Variants in HDAC4 observed in about 807,000 individuals in gnomAD.
HDAC4 encodes the protein histone deacetylase A.
A neutral mutation model predicts 135.1 loss-of-function variants in HDAC4; 16 were observed. That is an observed-to-expected ratio of 0.12 (90% CI 0.08 to 0.18). The LOEUF (loss-of-function observed/expected upper bound fraction) is 0.18. HDAC4 is among the 10% of genes least tolerant of loss of function. The pLI, the probability that HDAC4 is intolerant of heterozygous loss-of-function variation, is 1.00. For synonymous variants in HDAC4, 685 were observed against 653.4 expected, an observed-to-expected ratio of 1.05 and a Z score of -0.74; for missense variants, 1,143 against 1,511.8, an observed-to-expected ratio of 0.76 and a Z score of 4.05.
At chr2:239,315,532 G>T (rs559502519) in intron 2 of HDAC4, among the ~76,000 whole-genome samples, 1 of 152,116 alleles carries the variant, frequency 6.6e-6, no homozygotes. Flanking sequence ...AAGCCCCTAC[G>T]CTTCAGAGAG....
At chr2:239,393,919 ATAAC>A (rs568711531) in intron 1 of HDAC4, among the ~76,000 whole-genome samples, 20 of 152,280 alleles carry the variant, frequency 1.3e-4, no homozygotes, top group African/African-American at 4.8e-4. Flanking sequence ...TTGCAAAATA[ATAAC>A]TAATCAATTA....
chr2:239,113,593 C>A (rs1320092622), intron 13 of HDAC4, among the ~76,000 whole-genome samples: 1 of 152,216 alleles, frequency 6.6e-6, no homozygotes, highest in Non-Finnish European at 1.5e-5. Context: ...TGGAATATAA[C>A]AAGCCTCTTT....
At chr2:239,244,511 A>G (rs903872243) in intron 2 of HDAC4, among the ~76,000 whole-genome samples, 1 of 152,184 alleles carries the variant, frequency 6.6e-6, no homozygotes, top group Non-Finnish European at 1.5e-5. Context: ...CCATCATGCC[A>G]TCCCCTCAGG....
intron 1 of HDAC4, among the ~76,000 whole-genome samples, chr2:239,386,147 C>T (rs1053400228): frequency 1.3e-5 from 2 of 151,114 alleles, no homozygotes; most frequent in South Asian, 2.1e-4. Flanking sequence ...GGCTGAGAGT[C>T]GGAGCACAGG....
Position 239,139,134 on chromosome 2 carries a change from C to T in HDAC4, c.978+550G>A, listed in dbSNP as rs147356807. The stretch of plus-strand genomic sequence containing the variant: ...TCCCGTGATGCCTGGAAAAGTTCCC[C>T]GCTCTGTGGCTTTGGCCGGCCCTGC... On this transcript the variant is annotated intron_variant, in intron 9 of 26. Coordinates refer to ENST00000543185, the MANE Select transcript of HDAC4 (RefSeq NM_001378414.1). The surrounding 1 kb of genome is among the most constrained non-coding windows in gnomAD (Gnocchi z 5.3). Among the ~76,000 whole-genome samples the T allele has an allele frequency of 0.018, 2,733 of 152,360 alleles. 41 individuals are homozygous for T. The highest frequency in any genetic ancestry group is 0.06 in the South Asian group (292 of 4,832).
chr2:239,321,535 G>A (rs1288896801), intron 2 of HDAC4, among the ~76,000 whole-genome samples: 2 of 148,964 alleles, frequency 1.3e-5, no homozygotes, highest in Non-Finnish European at 3.0e-5. Flanking sequence ...TCTTAAATAA[G>A]GTGAACGTGT....
chr2:239,396,547 A>G (rs927754412), intron 1 of HDAC4, among the ~76,000 whole-genome samples: 26 of 152,276 alleles, frequency 1.7e-4, no homozygotes, highest in African/African-American at 6.0e-4. Flanking sequence ...CACTGGCACA[A>G]TGATTCAATG....
chr2:239,072,487 C>G (rs948995058), intron 22 of HDAC4, among the ~76,000 whole-genome samples: 8 of 152,206 alleles, frequency 5.3e-5, no homozygotes, highest in Non-Finnish European at 1.2e-4. Context: ...TGTCCTGCAC[C>G]GAAGCACACT....
chr2:239,270,311 G>A (rs532645340), intron 2 of HDAC4, among the ~76,000 whole-genome samples: 6 of 152,326 alleles, frequency 3.9e-5, no homozygotes, highest in East Asian at 1.9e-4. Flanking sequence ...TGAGCAAGCC[G>A]AAAGAACTCG....
Position 239,307,819 on chromosome 2 carries a change from A to G in HDAC4, c.22+44859T>C, listed in dbSNP as rs987454450. ...TCTTTCCAGAGGGTTTCCCAGCCTG[A>G]AACGCCACCCCACAGCCACTGTGGA... On this transcript the variant is annotated intron_variant, in intron 2 of 26. Coordinates refer to ENST00000543185, the MANE Select transcript of HDAC4 (RefSeq NM_001378414.1). The surrounding 1 kb of genome is among the most constrained non-coding windows in gnomAD (Gnocchi z 4.8). Among the ~76,000 whole-genome samples the G allele has an allele frequency of 6.6e-6, 1 of 152,168 alleles. No individual in the cohort carries two copies. Among genetic ancestry groups the G allele is most frequent in the African/African-American group, 2.4e-5 (1 of 41,438 alleles).
At chr2:239,106,134 GCTGGCACCTTCAC>G (rs1218491904) in intron 15 of HDAC4, among the ~76,000 whole-genome samples, 1 of 152,214 alleles carries the variant, frequency 6.6e-6, no homozygotes, top group Non-Finnish European at 1.5e-5. Flanking sequence ...CCCAGTCGTG[GCTGGCACCTTCAC>G]CCATGGTGCT....
At chr2:239,120,593 T>G (rs1438938155) in intron 12 of HDAC4, among the ~76,000 whole-genome samples, 49 of 33,188 alleles carry the variant, frequency 1.5e-3, no homozygotes, top group South Asian at 3.5e-3. Context: ...AGGAGGAAGG[T>G]GGGGGAGGGA....
At chr2:239,263,822 A>ACC (rs2049535742) in intron 2 of HDAC4, among the ~76,000 whole-genome samples, 1 of 151,820 alleles carries the variant, frequency 6.6e-6, no homozygotes, top group Admixed American at 6.6e-5. Flanking sequence ...CAGCTGTCCG[A>ACC]CTCGGCTGAG....
At chr2:239,271,612 C>T (rs2050062785) in intron 2 of HDAC4, among the ~76,000 whole-genome samples, 1 of 152,132 alleles carries the variant, frequency 6.6e-6, no homozygotes, top group East Asian at 1.9e-4. Context: ...TCCGGATTAT[C>T]GGGTAGACAC....
rs544340212 is a variant in HDAC4 at position 239,206,281 on chromosome 2, T to C, written c.95-16204A>G. 1.5e-4 allele frequency among the ~76,000 whole-genome samples: 23 copies of C among 152,124 alleles called. No homozygotes were observed. In the South Asian group the frequency reaches 3.7e-3, roughly 25 times the overall value. On this transcript the variant is annotated intron_variant, in intron 3 of 26. Coordinates refer to ENST00000543185, the MANE Select transcript of HDAC4 (RefSeq NM_001378414.1). ...AGGCAGAGGCTGCAGTGAGCTGAGA[T>C]TGCACCACTGCACTCCAGCCTGGGC...
intron 13 of HDAC4, among the ~76,000 whole-genome samples, chr2:239,113,420 G>C (rs2038856202): frequency 6.6e-6 from 1 of 152,214 alleles, no homozygotes; most frequent in Admixed American, 6.5e-5. Context: ...ACGCGGTTAA[G>C]TGGTTAATAA....
At chr2:239,362,158 C>T (rs1358198796) in intron 1 of HDAC4, among the ~76,000 whole-genome samples, 1 of 152,228 alleles carries the variant, frequency 6.6e-6, no homozygotes, top group South Asian at 2.1e-4. Context: ...TTACAAGCAC[C>T]TTTAGCAAGA....
At chr2:239,182,377 G>A (rs1184598853) in intron 4 of HDAC4, among the ~76,000 whole-genome samples, 2 of 152,212 alleles carry the variant, frequency 1.3e-5, no homozygotes, top group African/African-American at 4.8e-5. Flanking sequence ...GCCTAATGCA[G>A]TCTCACAGTA....
At position 239,094,792 on chromosome 2, in the gene HDAC4, A is replaced by G. The variant is rs62189551; in HGVS notation, c.2280+218T>C. On this transcript the variant is annotated intron_variant, in intron 17 of 26. Transcript: ENST00000543185. ...GCCACTGCACCCCAGAGCCCCAGCC[A>G]CCTGCGCCAGACAACCTTCCCCAGA... 474,300 of 1,418,864 alleles carry G rather than the reference A, an allele frequency of 0.33. 82,193 individuals carry two copies. Among genetic ancestry groups the G allele is most frequent in the African/African-American group, 0.54 (37,790 of 69,602 alleles). The allele number at this position is 1,418,864 out of a possible 1,614,324, so 87.9% of individuals were successfully genotyped here.
Sources: gnomAD v4.1 joint callset for allele counts (sites outside exome capture counted in the v4.1 genomes callset) on GRCh38, gnomAD v4.1.1 for gene constraint, Gnocchi (gnomAD v3.1) non-coding constraint, MANE v1.5 for transcripts, NCBI Gene and HGNC (gene_info 2026-07-23, HGNC 2026-07-21) for gene names.